The following BABAM2 variants were observed in gnomAD, a reference collection of about 807,000 sequenced individuals.
The protein encoded by BABAM2 is BRISC and BRCA1-A complex member 2.
In BABAM2, 31 loss-of-function variants were observed where a neutral mutation model predicts 54.7. The observed-to-expected ratio is 0.57, with a 90% CI of 0.43 to 0.77. The LOEUF (loss-of-function observed/expected upper bound fraction) is 0.77. BABAM2 is among the 30% of genes least tolerant of loss of function. BABAM2 has a pLI of 0.00. For synonymous variants in BABAM2, 167 were observed against 162.9 expected, an observed-to-expected ratio of 1.03 and a Z score of -0.19; for missense variants, 364 against 455.8, an observed-to-expected ratio of 0.80 and a Z score of 1.83.
At chr2:27,944,789 T>C (rs1029487436) in intron 3 of BABAM2, among the ~76,000 whole-genome samples, 8 of 152,198 alleles carry the variant, frequency 5.3e-5, no homozygotes, top group African/African-American at 1.7e-4. Context: ...GCTTAACTTT[T>C]AAGGGCTAAA....
At chr2:28,120,402 G>T (rs1668968805) in intron 6 of BABAM2, among the ~76,000 whole-genome samples, 1 of 152,090 alleles carries the variant, frequency 6.6e-6, no homozygotes, top group Admixed American at 6.5e-5. Context: ...TTGAGCACTG[G>T]TGCTGAGTCT....
intron 7 of BABAM2, among the ~76,000 whole-genome samples, chr2:28,139,321 CAAAA>C (rs768755922): frequency 4.6e-5 from 4 of 87,060 alleles, no homozygotes; most frequent in African/African-American, 1.7e-4. Flanking sequence ...AACTCCGTCT[CAAAA>C]AAAAAAAAAA....
intron 7 of BABAM2, among the ~76,000 whole-genome samples, chr2:28,192,048 T>C (rs1676970140): frequency 6.6e-6 from 1 of 152,212 alleles, no homozygotes; most frequent in African/African-American, 2.4e-5. Context: ...TTTTGTGTTT[T>C]TTTTGAGACA....
intron 10 of BABAM2, among the ~76,000 whole-genome samples, chr2:28,289,799 AAAAG>A (rs1245541349): frequency 1.3e-5 from 2 of 152,166 alleles, no homozygotes; most frequent in African/African-American, 2.4e-5. Context: ...AAAAAAGAAA[AAAAG>A]AAAGGAAAGG....
intron 7 of BABAM2, among the ~76,000 whole-genome samples, chr2:28,210,395 C>T (rs961100508): frequency 4.6e-5 from 7 of 152,044 alleles, no homozygotes; most frequent in Middle Eastern, 6.3e-3. Context: ...TGTGGTGTAC[C>T]AGAAGAATAG....
intron 6 of BABAM2, among the ~76,000 whole-genome samples, chr2:28,109,649 A>G (rs1024652815): frequency 6.6e-6 from 1 of 152,128 alleles, no homozygotes; most frequent in African/African-American, 2.4e-5. Context: ...AGCTTCACTG[A>G]TATCACTGAC....
intron 7 of BABAM2, among the ~76,000 whole-genome samples, chr2:28,172,582 T>C (rs1172657883): frequency 6.6e-6 from 1 of 152,232 alleles, no homozygotes; most frequent in Non-Finnish European, 1.5e-5. Context: ...TATCAACTTA[T>C]GTTTCCCTGT....
In BABAM2 at chr2:28,021,570, A is replaced by C. The variant is rs185294910; in HGVS notation, c.301-3656A>C. Among the ~76,000 whole-genome samples, 788 of 152,376 alleles carry C rather than the reference A, an allele frequency of 5.2e-3. 2 individuals carry two copies. In the Middle Eastern group the frequency reaches 0.061, roughly 12 times the overall value. ...GAAATTAGGAAAATTATACTTCCTT[A>C]ACACTAATGGGCTTGCATACTTTTC... On this transcript the variant is annotated intron_variant, in intron 4 of 11. Transcript: ENST00000379624.
chr2:28,025,427 AT>A lies in BABAM2; in HGVS notation c.495+12del. 1 of 1,556,142 alleles carries A rather than the reference AT, an allele frequency of 6.4e-7. No homozygotes were observed. The highest frequency in any genetic ancestry group is 8.6e-7 in the Non-Finnish European group (1 of 1,158,432). Reference sequence around the variant, plus strand: ...TGGGAAAAAAAACAACTGGGTAAGGATTTTTGAGAATGGAAAAAAAGATGAC... The same window carrying A: ...TGGGAAAAAAAACAACTGGGTAAGGATTTTGAGAATGGAAAAAAAGATGAC... On this transcript the variant is annotated splice_region_variant and intron_variant, in intron 5 of 11. Transcript: ENST00000379624.
chr2:28,133,662 G>A (rs577972176), intron 7 of BABAM2, among the ~76,000 whole-genome samples: 1 of 152,308 alleles, frequency 6.6e-6, no homozygotes, highest in East Asian at 1.9e-4. Context: ...GTCCCAGCTT[G>A]TCCATGCAGG....
At chr2:27,911,817 A>G (rs1030554267) in intron 2 of BABAM2, among the ~76,000 whole-genome samples, 6 of 152,206 alleles carry the variant, frequency 3.9e-5, no homozygotes, top group African/African-American at 1.4e-4. Context: ...AGCCATTTAT[A>G]TGATTTGAAA....
At chr2:27,936,245 A>G (rs1448092195) in intron 3 of BABAM2, among the ~76,000 whole-genome samples, 1 of 152,106 alleles carries the variant, frequency 6.6e-6, no homozygotes, top group African/African-American at 2.4e-5. Flanking sequence ...AAAATCAGGT[A>G]TTATCCCATC....
chr2:28,260,258 G>C (rs1684375545), intron 10 of BABAM2, among the ~76,000 whole-genome samples: 1 of 149,310 alleles, frequency 6.7e-6, no homozygotes, highest in South Asian at 2.1e-4. Context: ...AGTAGGTCTT[G>C]AAATCGTGTA....
At chr2:28,071,963 T>C (rs1664182844) in intron 6 of BABAM2, among the ~76,000 whole-genome samples, 2 of 152,184 alleles carry the variant, frequency 1.3e-5, no homozygotes, top group South Asian at 4.1e-4. Context: ...ATGTTTGAAA[T>C]TCATTTTGTA....
At chr2:28,311,678 A>T (rs1438772259) in intron 11 of BABAM2, among the ~76,000 whole-genome samples, 1 of 152,230 alleles carries the variant, frequency 6.6e-6, no homozygotes, top group East Asian at 1.9e-4. Context: ...TTCCTCTGAA[A>T]GTACTGGGCT....
intron 7 of BABAM2, among the ~76,000 whole-genome samples, chr2:28,177,636 A>G (rs1389039103): frequency 2.0e-5 from 3 of 152,034 alleles, no homozygotes; most frequent in Non-Finnish European, 4.4e-5. Context: ...AAGTCCCCTC[A>G]TATCAATAAT....
chr2:28,018,777 G>A (rs192821933), intron 4 of BABAM2, among the ~76,000 whole-genome samples: 1 of 152,232 alleles, frequency 6.6e-6, no homozygotes, highest in East Asian at 1.9e-4. Context: ...TTTTCCAAAT[G>A]CTTGTTGGCC....
intron 2 of BABAM2, among the ~76,000 whole-genome samples, chr2:27,897,796 A>T (rs1665459748): frequency 6.6e-6 from 1 of 152,194 alleles, no homozygotes; most frequent in African/African-American, 2.4e-5. Context: ...CTGAATTTCC[A>T]CATTATTATA....
intron 7 of BABAM2, chr2:28,233,317 C>T (rs906875307): frequency 3.0e-5 from 14 of 469,718 alleles, no homozygotes; most frequent in African/African-American, 8.0e-5. Context: ...CCTGCAGTCC[C>T]GGGAATGTCT....
Sources: allele counts gnomAD v4.1 joint callset (sites outside exome capture counted in the v4.1 genomes callset), GRCh38; gene constraint gnomAD v4.1.1; transcripts MANE v1.5; gene names NCBI Gene and HGNC (gene_info 2026-07-23, HGNC 2026-07-21).